Variants in SMIM31 observed in about 807,000 individuals in gnomAD.
The protein encoded by SMIM31 is human epithelial cell program regulator.
intron 2 of SMIM31, among the ~76,000 whole-genome samples, chr4:164,795,378 C>T (rs948337677): frequency 5.9e-5 from 9 of 151,934 alleles, no homozygotes; most frequent in Non-Finnish European, 1.0e-4. Flanking sequence ...GCCAACATGG[C>T]AAAACCCTGT....
chr4:164,788,944 G>A lies in SMIM31; in HGVS notation c.113-12147G>A, dbSNP rs577512479. Among the ~76,000 whole-genome samples the A allele has an allele frequency of 8.6e-5, 13 of 152,032 alleles. 1 individual carries two copies. The highest frequency in any genetic ancestry group is 1.6e-4 in the Non-Finnish European group (11 of 68,018). On this transcript the variant is annotated intron_variant, in intron 2 of 2. Transcript: ENST00000507311. ...AATTTATCACTCCCGAAAGAAAAAT[G>A]TGTTGATTTTATGTTTTAACTGGAA...
chr4:164,766,613 A>G (rs532053421), intron 1 of SMIM31, among the ~76,000 whole-genome samples: 2 of 152,078 alleles, frequency 1.3e-5, no homozygotes, highest in African/African-American at 4.8e-5. Context: ...CCTGGCCAAC[A>G]TGGTGAAACC....
intron 2 of SMIM31, among the ~76,000 whole-genome samples, chr4:164,782,245 G>A (rs773379354): frequency 2.9e-4 from 44 of 151,366 alleles, no homozygotes; most frequent in Admixed American, 6.6e-4. Flanking sequence ...AGCCGAGACC[G>A]CGCCATTGCA....
intron 2 of SMIM31, among the ~76,000 whole-genome samples, chr4:164,799,175 C>T (rs894270878): frequency 1.1e-4 from 16 of 151,986 alleles, no homozygotes; most frequent in Non-Finnish European, 1.6e-4. Flanking sequence ...CCCTTGAACT[C>T]GGGAGTTCAA....
intron 2 of SMIM31, chr4:164,787,451 T>C (rs1378405000): frequency 6.6e-6 from 1 of 151,926 alleles, no homozygotes; most frequent in African/African-American, 2.4e-5. Flanking sequence ...ACAGTGTTGC[T>C]CTTATATTTT....
In SMIM31 at chr4:164,803,547, C is replaced by T. The variant is rs1733314933; in HGVS notation, c.*2353C>T. On this transcript the variant is annotated 3_prime_UTR_variant, in exon 3 of 3. Coordinates refer to ENST00000507311, the MANE Select transcript of SMIM31 (RefSeq NM_001352885.1). ...TGGTGGCTCACGTCTGAAATCCCAG[C>T]ACTTTGTGAAGCCGAGGTGGGTGGA... 1 of 152,352 alleles carries T rather than the reference C, an allele frequency of 6.6e-6. No individual in the cohort carries two copies. Among genetic ancestry groups the T allele is most frequent in the South Asian group, 2.1e-4 (1 of 4,830 alleles). The allele number at this position is 152,352 out of a possible 1,614,324, so 9.4% of individuals were successfully genotyped here. A position where few individuals can be genotyped will look rare whatever the true frequency, so the allele number is the denominator to read the frequency against.
At chr4:164,785,775 C>T (rs1733019584) in intron 2 of SMIM31, among the ~76,000 whole-genome samples, 1 of 151,358 alleles carries the variant, frequency 6.6e-6, no homozygotes, top group African/African-American at 2.4e-5. Flanking sequence ...CACATATATA[C>T]ATATATCTTT....
chr4:164,792,464 T>G (rs1733114747), intron 2 of SMIM31, among the ~76,000 whole-genome samples: 1 of 152,276 alleles, frequency 6.6e-6, no homozygotes, highest in South Asian at 2.1e-4. Flanking sequence ...TTAATTAAGG[T>G]TTTCTACATG....
At chr4:164,769,016 C>A (rs1004582147) in intron 1 of SMIM31, among the ~76,000 whole-genome samples, 1 of 152,018 alleles carries the variant, frequency 6.6e-6, no homozygotes, top group Non-Finnish European at 1.5e-5. Flanking sequence ...TCTTTGTCTC[C>A]CCTCTTTCTC....
In SMIM31 at chr4:164,780,300, G is replaced by A. The variant is rs547431580; in HGVS notation, c.112+9745G>A. Among the ~76,000 whole-genome samples the A allele has an allele frequency of 4.6e-5, 7 of 152,280 alleles. No individual in the cohort carries two copies. The South Asian group carries it at 1.5e-3, about 32-fold the overall frequency. On this transcript the variant is annotated intron_variant, in intron 2 of 2. Transcript: ENST00000507311. ...AAATTAGCCAGGCGTGGTGGCGCAT[G>A]CCTGTAGTCCCAGCTACTCGGGAGG...
At chr4:164,791,947 G>A (rs1560831817) in intron 2 of SMIM31, among the ~76,000 whole-genome samples, 1 of 152,090 alleles carries the variant, frequency 6.6e-6, no homozygotes, top group Non-Finnish European at 1.5e-5. Flanking sequence ...GAGAACATGT[G>A]GTATCTGGTT....
chr4:164,790,214 CT>C (rs1733082363), intron 2 of SMIM31, among the ~76,000 whole-genome samples: 1 of 152,064 alleles, frequency 6.6e-6, no homozygotes, highest in African/African-American at 2.4e-5. Context: ...GCTATGATGA[CT>C]AAAACACCTA....
At chr4:164,790,368 C>T (rs7674653) in intron 2 of SMIM31, among the ~76,000 whole-genome samples, 110,680 of 152,020 alleles carry the variant, frequency 0.73, 40,795 homozygotes, top group Non-Finnish European at 0.8. Context: ...ACTAAATTAT[C>T]TACATATGTT....
At chr4:164,783,326 C>T (rs1732984022) in intron 2 of SMIM31, among the ~76,000 whole-genome samples, 1 of 151,268 alleles carries the variant, frequency 6.6e-6, no homozygotes, top group Admixed American at 6.6e-5. Context: ...GAATTCAAGA[C>T]CAGCCTGGCC....
At chr4:164,800,235 CAA>C (rs1733264800) in intron 2 of SMIM31, among the ~76,000 whole-genome samples, 1 of 150,392 alleles carries the variant, frequency 6.6e-6, no homozygotes. Context: ...TTTTTTTTGA[CAA>C]AGTCTCTCTT....
intron 2 of SMIM31, among the ~76,000 whole-genome samples, chr4:164,779,163 G>A (rs1480423695): frequency 6.6e-6 from 1 of 152,162 alleles, no homozygotes; most frequent in Admixed American, 6.5e-5. Context: ...AAACACTGTA[G>A]TCTTAGAGAA....
chr4:164,786,127 A>T (rs1733022948), intron 2 of SMIM31, among the ~76,000 whole-genome samples: 1 of 152,226 alleles, frequency 6.6e-6, no homozygotes. Flanking sequence ...TTTTAAAAAA[A>T]TAATAAAACT....
chr4:164,800,792 C>T lies in SMIM31; in HGVS notation c.113-299C>T, dbSNP rs976334781. Reference sequence around the variant, plus strand: ...CATCAATCTTAGTGCTCTTTCTGCTCATCATCTTAATGCCTCTTAGTTCAG... The same window carrying T: ...CATCAATCTTAGTGCTCTTTCTGCTTATCATCTTAATGCCTCTTAGTTCAG... On this transcript the variant is annotated intron_variant, in intron 2 of 2. Coordinates refer to ENST00000507311, the MANE Select transcript of SMIM31 (RefSeq NM_001352885.1). 2.0e-5 allele frequency among the ~76,000 whole-genome samples: 3 copies of T among 152,164 alleles called. No homozygotes were observed. The East Asian group carries it at 5.8e-4, about 29-fold the overall frequency.
In SMIM31 at chr4:164,758,636, T is replaced by TG. The variant is rs1449305836; in HGVS notation, c.-26+4225_-26+4226insG. ...ATGTAGTTTTCCTTTTTTTGTTTTT[T>TG]TTTTTTTTTTTTTTTGAGACGGAGT... On this transcript the variant is annotated intron_variant, in intron 1 of 2. Coordinates refer to ENST00000507311, the MANE Select transcript of SMIM31 (RefSeq NM_001352885.1). Among the ~76,000 whole-genome samples, 7 of 124,834 alleles carry TG rather than the reference T, an allele frequency of 5.6e-5. No individual in the cohort carries two copies. In the East Asian group the frequency reaches 1.1e-3, roughly 20 times the overall value. The allele number at this position is 124,834 out of a possible 152,430, so 81.9% of individuals were successfully genotyped here. A position where few individuals can be genotyped will look rare whatever the true frequency, so the allele number is the denominator to read the frequency against.
Sources: gnomAD v4.1 joint callset for allele counts (sites outside exome capture counted in the v4.1 genomes callset) on GRCh38, gnomAD v4.1.1 for gene constraint, MANE v1.5 for transcripts, NCBI Gene and HGNC (gene_info 2026-07-23, HGNC 2026-07-21) for gene names.